Variants in UNC13A observed in about 807,000 individuals in gnomAD.
UNC13A encodes the protein protein unc-13 homolog A.
In UNC13A, 61 loss-of-function variants were observed where a neutral mutation model predicts 219.7. The ratio of observed to expected loss-of-function variants is 0.28; its 90% CI spans 0.23 to 0.34. The LOEUF (loss-of-function observed/expected upper bound fraction) is 0.34, where lower values mean the gene tolerates loss of function less well. Among genes scored for constraint, UNC13A ranks in the 10% least tolerant of loss-of-function variants. UNC13A has a pLI of 1.00. For missense variants in UNC13A, 1,476 were observed against 2,270.3 expected, an observed-to-expected ratio of 0.65 and a Z score of 7.11; for synonymous variants, 920 against 884.6, an observed-to-expected ratio of 1.04 and a Z score of -0.71.
chr19:17,635,345 C>T (rs182335626), intron 26 of UNC13A, among the ~76,000 whole-genome samples: 15 of 152,274 alleles, frequency 9.9e-5, no homozygotes, highest in Admixed American at 5.2e-4. Context: ...ACCCTTCAAT[C>T]CATCCAAATC....
At chr19:17,607,615 T>A in intron 43 of UNC13A, among the ~76,000 whole-genome samples, 1 of 127,334 alleles carries the variant, frequency 7.9e-6, no homozygotes, top group Non-Finnish European at 1.7e-5. Flanking sequence ...GGTCTCGCTA[T>A]GTCGGTCACC....
rs1373763275 is a variant in UNC13A at position 17,656,414 on chromosome 19, AG to A, written c.768-17del. 1 of 1,495,824 alleles carries A rather than the reference AG, an allele frequency of 6.7e-7. No individual in the cohort carries two copies. The allele number at this position is 1,495,824 out of a possible 1,614,324, so 92.7% of individuals were successfully genotyped here. Reference sequence around the variant, plus strand: ...ACCCGTGGGGCTGTGGGGATGGAACAGGGTTCAGGGACTGGGGTACCGAGTC... The same window carrying A: ...ACCCGTGGGGCTGTGGGGATGGAACAGGTTCAGGGACTGGGGTACCGAGTC... On this transcript the variant is annotated splice_polypyrimidine_tract_variant and intron_variant, in intron 9 of 43. Transcript: ENST00000519716.
chr19:17,682,912 A>G (rs924296629), intron 1 of UNC13A, among the ~76,000 whole-genome samples: 3 of 152,112 alleles, frequency 2.0e-5, no homozygotes, highest in African/African-American at 7.2e-5. Context: ...AAAAATACAA[A>G]AAATTAGCTG....
intron 1 of UNC13A, among the ~76,000 whole-genome samples, chr19:17,678,958 CACA>C (rs1434422886): frequency 2.0e-5 from 3 of 151,868 alleles, no homozygotes; most frequent in African/African-American, 7.3e-5. Flanking sequence ...AATAGAGAGA[CACA>C]AGGAGACAGC....
intron 36 of UNC13A, chr19:17,622,297 A>G (rs1160213609): frequency 6.1e-6 from 1 of 164,752 alleles, no homozygotes; most frequent in East Asian, 1.6e-4. Context: ...TATGACCTTG[A>G]ACAAGTGACT....
rs1898000499 is a variant in UNC13A, at chr19:17,610,045, A to G, written c.4706T>C (p.Ile1569Thr). 3 of 1,613,902 alleles carry G rather than the reference A, an allele frequency of 1.9e-6. No individual in the cohort carries two copies. Among genetic ancestry groups the G allele is most frequent in the Admixed American group, 1.7e-5 (1 of 59,996 alleles). ...CTGGGGCCCAATGATGTTGACCTCG[A>G]TGAACGGCCGGAAGATGCCAGAAGT... The part of the protein sequence containing the change: ...WQTSGIFRPF[I>T]EVNIIGPQLS... Residue 1569 changes from isoleucine to threonine, a missense_variant, in exon 43 of 44, where the codon ATC becomes ACC. Physicochemically the swap from Ile to Thr is moderately conservative, Grantham distance 89 (BLOSUM62 -1). Transcript: ENST00000519716.
In UNC13A at chr19:17,676,200, TA is replaced by T. The variant is rs754598572; in HGVS notation, c.23-160del. On this transcript the variant is annotated intron_variant, in intron 1 of 43. Coordinates refer to ENST00000519716, the MANE Select transcript of UNC13A (RefSeq NM_001080421.3). Reference sequence around the variant, plus strand: ...GATAAAAAGCAAAAGAGACAGATGTTAAAAAAGAAAGATAGAAGCAATGTCA... The same window carrying T: ...GATAAAAAGCAAAAGAGACAGATGTTAAAAAGAAAGATAGAAGCAATGTCA... 2.0e-5 allele frequency: 16 copies of T among 811,038 alleles called. No individual in the cohort carries two copies. The African/African-American group carries it at 2.4e-4, about 12-fold the overall frequency. The allele number at this position is 811,038 out of a possible 1,614,324, so 50.2% of individuals were successfully genotyped here.
intron 35 of UNC13A, among the ~76,000 whole-genome samples, chr19:17,624,053 G>A (rs2076757148): frequency 6.6e-6 from 1 of 151,362 alleles, no homozygotes; most frequent in Non-Finnish European, 1.5e-5. Flanking sequence ...AGTCCATGGT[G>A]TCTCCCCTCT....
At chr19:17,646,232 G>A in intron 17 of UNC13A, 121 bp from the exon 18 acceptor site, 12 of 1,374,514 alleles carry the variant, frequency 8.7e-6, no homozygotes, top group Non-Finnish European at 1.2e-5. Context: ...GGAGAGCAAT[G>A]GCAGGGCACG....
At position 17,611,839 on chromosome 19, in the gene UNC13A, G is replaced by A; in HGVS notation, c.4575C>T (p.Asp1525=). Residue 1525 remains aspartate (D), a synonymous_variant, in exon 42 of 44, where the codon GAC becomes GAT. Coordinates refer to ENST00000519716, the MANE Select transcript of UNC13A (RefSeq NM_001080421.3). ...TQSAQGLGVE[D]PVGEVSVHVE... ...CATGGACAGAGACTTCACCCACAGG[G>A]TCTTCTACACCCAAGCCTGGGCAGG... The A allele has an allele frequency of 6.2e-7, 1 of 1,614,036 alleles. No homozygotes were observed. The highest frequency in any genetic ancestry group is 8.5e-7 in the Non-Finnish European group (1 of 1,179,914).
chr19:17,680,632 G>C (rs2079989478), intron 1 of UNC13A, among the ~76,000 whole-genome samples: 3 of 152,062 alleles, frequency 2.0e-5, no homozygotes, highest in South Asian at 4.1e-4. Flanking sequence ...TCTGGAAAAT[G>C]GGGAGACGGA....
intron 21 of UNC13A, 146 bp from the exon 22 acceptor site, chr19:17,640,807 T>C (rs1599365202): frequency 2.7e-6 from 2 of 740,136 alleles, no homozygotes; most frequent in East Asian, 6.2e-5. Flanking sequence ...CCTTTGGGTC[T>C]CCGCATCTCC....
intron 28 of UNC13A, 56 bp downstream of exon 28, chr19:17,632,726 T>C: frequency 3.7e-6 from 6 of 1,611,678 alleles, no homozygotes; most frequent in Non-Finnish European, 4.2e-6. Flanking sequence ...TGGCTTTCCT[T>C]CTAGCTGTCA....
intron 34 of UNC13A, among the ~76,000 whole-genome samples, chr19:17,625,529 C>T (rs2076773245): frequency 1.3e-5 from 2 of 151,992 alleles, no homozygotes; most frequent in Non-Finnish European, 2.9e-5. Context: ...CTTTTTCTAT[C>T]CATCCATCCA....
Position 17,655,994 on chromosome 19 carries a change from G to A in UNC13A, c.1172C>T (p.Ala391Val). 6.4e-7 allele frequency: 1 copy of A among 1,571,514 alleles called. No homozygotes were observed. Among genetic ancestry groups the A allele is most frequent in the Non-Finnish European group, 8.6e-7 (1 of 1,158,620 alleles). ...GGCCATGTCGGGGGCCTCGGTGGGTGCCACTGGGGCCTTGTCCTCCTTCCC... is the reference window on the plus strand; with the variant it reads ...GGCCATGTCGGGGGCCTCGGTGGGTACCACTGGGGCCTTGTCCTCCTTCCC... Reference protein sequence around the residue: ...APGKEDKAPVAPTEAPDMAKV... With the variant: ...APGKEDKAPVVPTEAPDMAKV... The change falls in exon 10 of 44, where the codon GCA (alanine) becomes GTA (valine). Residue 391 changes from alanine (A) to valine (V), a missense_variant. Transcript: ENST00000519716.
intron 20 of UNC13A, among the ~76,000 whole-genome samples, 176 bp downstream of exon 20, chr19:17,642,669 A>T (rs1215955639): frequency 6.6e-6 from 1 of 152,112 alleles, no homozygotes; most frequent in Non-Finnish European, 1.5e-5. Flanking sequence ...AGAGGAGGTG[A>T]CCCTGAATCT....
intron 30 of UNC13A, 112 bp downstream of exon 30, chr19:17,630,033 T>C: frequency 8.1e-7 from 1 of 1,231,356 alleles, no homozygotes; most frequent in Non-Finnish European, 1.1e-6. Context: ...CCAACCTCAA[T>C]GACATCACCA....
chr19:17,671,129 G>C (rs2079780412), intron 4 of UNC13A, among the ~76,000 whole-genome samples: 1 of 152,000 alleles, frequency 6.6e-6, no homozygotes, highest in Admixed American at 6.6e-5. Flanking sequence ...GCCCCATGAG[G>C]TCATAGCCCA....
intron 16 of UNC13A, 100 bp downstream of exon 16, chr19:17,648,331 G>T: frequency 1.2e-5 from 13 of 1,052,872 alleles, no homozygotes; most frequent in East Asian, 3.3e-5. Context: ...CCGCCCCATG[G>T]TGCCCCACCC....
Sources: gnomAD v4.1 joint callset for allele counts (sites outside exome capture counted in the v4.1 genomes callset) on GRCh38, gnomAD v4.1.1 for gene constraint, MANE v1.5 for transcripts, NCBI Gene and HGNC (gene_info 2026-07-23, HGNC 2026-07-21) for gene names.